Variants in GALNT14 observed in about 807,000 individuals in gnomAD.
GALNT14 encodes polypeptide N-acetylgalactosaminyltransferase 14.
GALNT14 carries 60 observed loss-of-function variants against 77.5 expected under a neutral mutation model. The ratio of observed to expected loss-of-function variants is 0.77; its 90% CI spans 0.63 to 0.96. The LOEUF (loss-of-function observed/expected upper bound fraction) is 0.96. Among genes scored for constraint, GALNT14 ranks in the 40% least tolerant of loss-of-function variants. The probability of loss-of-function intolerance (pLI) is 0.00; values close to 1 mark genes in which losing one functional copy is unlikely to be tolerated. For synonymous variants in GALNT14, 280 were observed against 281.7 expected (o/e 0.99, Z 0.06); for missense variants, 710 against 731.0 (o/e 0.97, Z 0.33).
intron 1 of GALNT14, among the ~76,000 whole-genome samples, chr2:31,108,083 C>T (rs1039921765): frequency 7.9e-5 from 12 of 152,174 alleles, no homozygotes; most frequent in Non-Finnish European, 1.5e-4. Flanking sequence ...AGTAAGAACA[C>T]GCCACTACTT....
intron 1 of GALNT14, among the ~76,000 whole-genome samples, chr2:31,120,608 G>A (rs1464841427): frequency 3.3e-5 from 5 of 152,104 alleles, no homozygotes; most frequent in Non-Finnish European, 1.5e-5. Context: ...CCAGGCTGGA[G>A]TGCAGTGCCA....
intron 1 of GALNT14, among the ~76,000 whole-genome samples, chr2:31,038,828 C>T (rs2148495174): frequency 6.6e-6 from 1 of 152,068 alleles, no homozygotes; most frequent in Non-Finnish European, 1.5e-5. Context: ...TCACAGCAAC[C>T]TCTGCCTACT....
intron 1 of GALNT14, among the ~76,000 whole-genome samples, chr2:31,119,120 G>T (rs1198163893): frequency 6.6e-6 from 1 of 152,094 alleles, no homozygotes; most frequent in Non-Finnish European, 1.5e-5. Flanking sequence ...TCATATAAAA[G>T]TGGAAATTTG....
At chr2:30,947,532 C>G (rs983279844) in intron 6 of GALNT14, among the ~76,000 whole-genome samples, 1 of 152,224 alleles carries the variant, frequency 6.6e-6, no homozygotes, top group Admixed American at 6.5e-5. Flanking sequence ...GTGAGGAAAA[C>G]TCCCCACATT....
At chr2:31,087,509 A>AGAGAGGAGAGGAGAGGAGAAGAGAG (rs1347044927) in intron 1 of GALNT14, among the ~76,000 whole-genome samples, 2 of 149,796 alleles carry the variant, frequency 1.3e-5, no homozygotes, top group African/African-American at 2.5e-5. Context: ...GGAGAGGAGA[A>AGAGAGGAGAGGAGAGGAGAAGAGAG]GAGAGGAGAG....
intron 2 of GALNT14, among the ~76,000 whole-genome samples, chr2:30,978,026 G>A (rs951884623): frequency 6.6e-5 from 10 of 151,898 alleles, no homozygotes; most frequent in East Asian, 5.8e-4. Flanking sequence ...ACCCTCTCCC[G>A]ACCTTCAGAG....
chr2:31,066,982 C>T (rs571892050), intron 1 of GALNT14, among the ~76,000 whole-genome samples: 5 of 152,332 alleles, frequency 3.3e-5, no homozygotes, highest in Admixed American at 6.5e-5. Flanking sequence ...ATCAGCCTTT[C>T]CCTACCCTCT....
the GALNT14 span, among the ~76,000 whole-genome samples, chr2:30,890,391 A>G: frequency 6.6e-6 from 1 of 152,144 alleles, no homozygotes; most frequent in Non-Finnish European, 1.5e-5. Context: ...TGAGAAAACC[A>G]TTCTTCTCTG....
intron 1 of GALNT14, among the ~76,000 whole-genome samples, chr2:31,130,210 G>C (rs147286911): frequency 6.6e-6 from 1 of 152,242 alleles, no homozygotes; most frequent in Non-Finnish European, 1.5e-5. Context: ...GGATGCAGGG[G>C]ATCAGATGGC....
At chr2:31,110,537 T>C (rs553004458) in intron 1 of GALNT14, among the ~76,000 whole-genome samples, 1 of 152,276 alleles carries the variant, frequency 6.6e-6, no homozygotes, top group Non-Finnish European at 1.5e-5. Flanking sequence ...CAGCAGCCAC[T>C]TAGAGCACTA....
chr2:30,913,824 T>C (rs1373844172), intron 13 of GALNT14, among the ~76,000 whole-genome samples: 1 of 152,214 alleles, frequency 6.6e-6, no homozygotes, highest in Non-Finnish European at 1.5e-5. Context: ...TGAGTCTTGT[T>C]CTTAACAGCA....
At chr2:31,095,423 T>A (rs7602985) in intron 1 of GALNT14, among the ~76,000 whole-genome samples, 8,987 of 152,062 alleles carry the variant, frequency 0.059, 387 homozygotes, top group African/African-American at 0.12. Flanking sequence ...CAAGAAATCA[T>A]CCCCCAAAGG....
chr2:30,932,011 G>T, intron 10 of GALNT14, 57 bp downstream of exon 10: 1 of 1,435,928 alleles, frequency 7.0e-7, no homozygotes, highest in Non-Finnish European at 9.2e-7. Context: ...ACCAGCAGCC[G>T]CCCAGCCTTG....
chr2:30,989,956 C>T (rs1043742046), intron 2 of GALNT14, among the ~76,000 whole-genome samples: 1 of 151,920 alleles, frequency 6.6e-6, no homozygotes, highest in South Asian at 2.1e-4. Context: ...AAAAAGAAGG[C>T]TTGGCCTTGT....
At chr2:30,996,758 T>C (rs1007530142) in intron 1 of GALNT14, among the ~76,000 whole-genome samples, 7 of 152,144 alleles carry the variant, frequency 4.6e-5, no homozygotes, top group African/African-American at 1.7e-4. Flanking sequence ...CAGGCTGGCA[T>C]GAGAAATTGA....
chr2:31,062,831 C>T (rs891470978), intron 1 of GALNT14, among the ~76,000 whole-genome samples: 37 of 151,936 alleles, frequency 2.4e-4, no homozygotes, highest in African/African-American at 8.7e-4. Flanking sequence ...AGCTTTTTTT[C>T]ATTTGTTTGT....
chr2:30,901,508 CATAT>C, the GALNT14 span, among the ~76,000 whole-genome samples: 1 of 150,372 alleles, frequency 6.7e-6, no homozygotes, highest in African/African-American at 2.4e-5. Context: ...TAAATATATT[CATAT>C]ATATATAAAT....
At chr2:31,039,041 G>C (rs898393850) in intron 1 of GALNT14, among the ~76,000 whole-genome samples, 2 of 152,182 alleles carry the variant, frequency 1.3e-5, no homozygotes, top group African/African-American at 2.4e-5. Context: ...ACCGTGCCCA[G>C]CCAATTCAGC....
At chr2:30,918,766 A>G (rs1664853156) in intron 13 of GALNT14, among the ~76,000 whole-genome samples, 1 of 92,774 alleles carries the variant, frequency 1.1e-5, no homozygotes, top group Non-Finnish European at 2.2e-5. Context: ...TCAGGCAGGG[A>G]GGGTGGCATC....
Sources: gnomAD v4.1 joint callset for allele counts (sites outside exome capture counted in the v4.1 genomes callset) on GRCh38, gnomAD v4.1.1 for gene constraint, MANE v1.5 for transcripts, NCBI Gene and HGNC (gene_info 2026-07-23, HGNC 2026-07-21) for gene names.